Variants in TRPM1 observed in about 807,000 individuals in gnomAD.
TRPM1 encodes transient receptor potential cation channel subfamily M member 1, also known as TRPM1-203 APA Isoform, Intron 10.
Under a neutral mutation model 149.4 loss-of-function variants are expected in TRPM1, and 113 were observed. The observed-to-expected ratio is 0.76, with a 90% CI of 0.65 to 0.88. The LOEUF (loss-of-function observed/expected upper bound fraction) is 0.88. TRPM1 is among the 40% of genes least tolerant of loss of function. The probability of loss-of-function intolerance (pLI) is 0.00; values close to 1 mark genes in which losing one functional copy is unlikely to be tolerated. For synonymous variants in TRPM1, 741 were observed against 759.5 expected, an observed-to-expected ratio of 0.98 and a Z score of 0.40; for missense variants, 1,976 against 2,038.7, an observed-to-expected ratio of 0.97 and a Z score of 0.59.
At chr15:31,020,976 A>G (rs2032533050) in intron 27 of TRPM1, among the ~76,000 whole-genome samples, 1 of 152,184 alleles carries the variant, frequency 6.6e-6, no homozygotes, top group Non-Finnish European at 1.5e-5. Context: ...TATTACTAAT[A>G]AAACTGATTT....
In TRPM1 at chr15:31,089,158, C is replaced by T. The variant is rs529007619; in HGVS notation, c.-83-7720G>A. Among the ~76,000 whole-genome samples, 6 of 152,264 alleles carry T rather than the reference C, an allele frequency of 3.9e-5. No individual in the cohort carries two copies. In the South Asian group the frequency reaches 6.2e-4, roughly 16 times the overall value. Reference sequence around the variant, plus strand: ...ACTGAAGACAGGCTGCTGCTGTTTGCCTTCTGGTGTTGCATTATTGTGCAA... The same window carrying T: ...ACTGAAGACAGGCTGCTGCTGTTTGTCTTCTGGTGTTGCATTATTGTGCAA... On this transcript the variant is annotated intron_variant, in intron 1 of 27. Coordinates refer to ENST00000256552, the MANE Select transcript of TRPM1 (RefSeq NM_001252024.2).
intron 1 of TRPM1, among the ~76,000 whole-genome samples, chr15:31,131,621 C>T (rs938602177): frequency 1.3e-5 from 2 of 152,304 alleles, no homozygotes; most frequent in South Asian, 2.1e-4. Context: ...TTTCAGGCAT[C>T]CCCTGTGGAT....
At chr15:31,039,466 C>A (rs1472383256) in intron 18 of TRPM1, among the ~76,000 whole-genome samples, 1 of 152,152 alleles carries the variant, frequency 6.6e-6, no homozygotes, top group Non-Finnish European at 1.5e-5. Context: ...ATAGTCTTTT[C>A]TTTATCCTCA....
chr15:31,012,050 G>A (rs4344701), intron 27 of TRPM1, among the ~76,000 whole-genome samples: 51,515 of 151,990 alleles, frequency 0.34, 8,942 homozygotes, highest in Middle Eastern at 0.39. Flanking sequence ...ATTATCACAA[G>A]TTACAACTTT....
At chr15:31,029,767 C>T (rs571876555) in intron 23 of TRPM1, among the ~76,000 whole-genome samples, 2 of 152,150 alleles carry the variant, frequency 1.3e-5, no homozygotes, top group South Asian at 2.1e-4. Flanking sequence ...ACCTCATAAG[C>T]ACAAATAACT....
chr15:31,126,937 G>A (rs2035958750), intron 1 of TRPM1, among the ~76,000 whole-genome samples: 1 of 151,440 alleles, frequency 6.6e-6, no homozygotes, highest in Non-Finnish European at 1.5e-5. Flanking sequence ...ACTGCATTCC[G>A]GCCTAGACGA....
At chr15:31,132,324 G>T (rs538731693) in intron 1 of TRPM1, among the ~76,000 whole-genome samples, 1 of 152,338 alleles carries the variant, frequency 6.6e-6, no homozygotes, top group Non-Finnish European at 1.5e-5. Flanking sequence ...CACCCTGAAA[G>T]CTCAAGTGCT....
intron 1 of TRPM1, among the ~76,000 whole-genome samples, chr15:31,092,455 C>T (rs568077627): frequency 2.0e-5 from 3 of 152,288 alleles, no homozygotes; most frequent in African/African-American, 4.8e-5. Flanking sequence ...GCCGACCACG[C>T]GGCCAGGCAG....
chr15:31,060,697 G>T lies in TRPM1; in HGVS notation c.1163-53C>A, dbSNP rs1284970543. 4 of 1,460,960 alleles carry T rather than the reference G, an allele frequency of 2.7e-6. No individual in the cohort carries two copies. The African/African-American group carries it at 4.2e-5, about 15-fold the overall frequency. 90.5% of individuals were successfully genotyped at this position (1,460,960 alleles called of 1,614,324 possible). A position where few individuals can be genotyped will look rare whatever the true frequency, so the allele number is the denominator to read the frequency against. ...TTTCACTCCACGCCTGGACCGCCAG[G>T]GTTTGGCAGGTGCTGGGTGGTGAGC... On this transcript the variant is annotated intron_variant, in intron 10 of 27. Transcript: ENST00000256552.
chr15:31,154,994 A>T (rs1215133813), intron 1 of TRPM1, among the ~76,000 whole-genome samples: 1 of 152,156 alleles, frequency 6.6e-6, no homozygotes. Flanking sequence ...TTTGAGTAAT[A>T]ATCCGTGTGA....
At chr15:31,156,381 G>A (rs547164635) in intron 1 of TRPM1, among the ~76,000 whole-genome samples, 1 of 152,000 alleles carries the variant, frequency 6.6e-6, no homozygotes, top group Non-Finnish European at 1.5e-5. Context: ...TTAGCTGAGA[G>A]TCTAGCACCT....
chr15:31,023,115 G>A (rs1164738259), intron 27 of TRPM1, among the ~76,000 whole-genome samples: 1 of 152,228 alleles, frequency 6.6e-6, no homozygotes, highest in Non-Finnish European at 1.5e-5. Flanking sequence ...CCCAGACATG[G>A]CCCTGCCTTC....
intron 1 of TRPM1, among the ~76,000 whole-genome samples, chr15:31,137,309 T>A (rs977699114): frequency 1.3e-5 from 2 of 152,180 alleles, no homozygotes; most frequent in Non-Finnish European, 2.9e-5. Flanking sequence ...AACATAAACA[T>A]GGGATCTCTA....
At chr15:31,014,557 C>T (rs923696675) in intron 27 of TRPM1, among the ~76,000 whole-genome samples, 1 of 152,112 alleles carries the variant, frequency 6.6e-6, no homozygotes, top group African/African-American at 2.4e-5. Context: ...AATAAGAATG[C>T]CCTAGGTTGC....
At chr15:31,158,554 G>A (rs534660201) in intron 1 of TRPM1, among the ~76,000 whole-genome samples, 3 of 150,124 alleles carry the variant, frequency 2.0e-5, no homozygotes, top group South Asian at 4.2e-4. Context: ...TTGAACCCGG[G>A]AGGTGGAGGT....
intron 2 of TRPM1, among the ~76,000 whole-genome samples, chr15:31,077,572 G>T (rs1417415638): frequency 6.6e-6 from 1 of 152,150 alleles, no homozygotes; most frequent in Non-Finnish European, 1.5e-5. Context: ...GCTGGGGAGA[G>T]CCCTTCCTGC....
chr15:31,109,524 C>A (rs1312229744), intron 1 of TRPM1, among the ~76,000 whole-genome samples: 2 of 151,072 alleles, frequency 1.3e-5, no homozygotes, highest in African/African-American at 4.9e-5. Context: ...CACGATGAAA[C>A]CCCATTTCTA....
intron 18 of TRPM1, among the ~76,000 whole-genome samples, chr15:31,039,741 T>C (rs2033549738): frequency 6.6e-6 from 1 of 152,054 alleles, no homozygotes; most frequent in Admixed American, 6.6e-5. Context: ...AGAAACAGAG[T>C]TCCAGTCCCT....
At chr15:31,070,905 G>C (rs1243777185) in intron 3 of TRPM1, among the ~76,000 whole-genome samples, 1 of 152,126 alleles carries the variant, frequency 6.6e-6, no homozygotes, top group Non-Finnish European at 1.5e-5. Context: ...CTCCACTCAA[G>C]TAATGCTAAA....
Sources: allele counts gnomAD v4.1 joint callset (sites outside exome capture counted in the v4.1 genomes callset), GRCh38; gene constraint gnomAD v4.1.1; transcripts MANE v1.5; gene names NCBI Gene and HGNC (gene_info 2026-07-23, HGNC 2026-07-21).